CPEB3: variants seen among roughly 807,000 people sequenced by gnomAD.
CPEB3 encodes cytoplasmic polyadenylation element-binding protein 3.
CPEB3 carries 20 observed loss-of-function variants against 67.2 expected under a neutral mutation model. The ratio of observed to expected loss-of-function variants is 0.30; its 90% CI spans 0.21 to 0.43. CPEB3 has a LOEUF of 0.43. Among genes scored for constraint, CPEB3 ranks in the 20% least tolerant of loss-of-function variants. CPEB3 has a pLI of 1.00. For missense variants in CPEB3, 746 were observed against 968.6 expected, an observed-to-expected ratio of 0.77 and a Z score of 3.05; for synonymous variants, 376 against 393.1, an observed-to-expected ratio of 0.96 and a Z score of 0.51.
chr10:92,089,229 C>T (rs1843508535), intron 8 of CPEB3, among the ~76,000 whole-genome samples: 1 of 152,046 alleles, frequency 6.6e-6, no homozygotes, highest in African/African-American at 2.4e-5. Flanking sequence ...CAAAGAAACC[C>T]AATCCCTAGG....
At chr10:92,110,985 T>C in intron 7 of CPEB3, 91 bp downstream of exon 7, 1 of 951,334 alleles carries the variant, frequency 1.1e-6, no homozygotes, top group Non-Finnish European at 1.7e-6. Context: ...GGATCCTAGT[T>C]ACCAGCATTT....
At chr10:92,186,616 G>T (rs1457415122) in intron 3 of CPEB3, among the ~76,000 whole-genome samples, 1 of 151,944 alleles carries the variant, frequency 6.6e-6, no homozygotes, top group Non-Finnish European at 1.5e-5. Flanking sequence ...CGTATTTTTA[G>T]TAGAGGCAGG....
chr10:92,229,648 G>A (rs185103245), intron 2 of CPEB3, among the ~76,000 whole-genome samples: 1 of 152,296 alleles, frequency 6.6e-6, no homozygotes, highest in East Asian at 1.9e-4. Context: ...TGTCCATAAA[G>A]TCTGGGAAAC....
At chr10:92,118,583 G>C (rs1845157300) in intron 6 of CPEB3, 1 of 329,404 alleles carries the variant, frequency 3.0e-6, no homozygotes, top group East Asian at 6.7e-5. Context: ...TGATATAAAA[G>C]ACAAAAAGCC....
At chr10:92,215,739 CTTTT>C (rs373522649) in intron 2 of CPEB3, among the ~76,000 whole-genome samples, 5 of 99,916 alleles carry the variant, frequency 5.0e-5, no homozygotes, top group South Asian at 3.6e-4. Context: ...TGGCGCCTGG[CTTTT>C]TTTTTTTTTT....
chr10:92,059,125 G>C (rs1468730698), intron 9 of CPEB3, among the ~76,000 whole-genome samples: 1 of 151,984 alleles, frequency 6.6e-6, no homozygotes, highest in Non-Finnish European at 1.5e-5. Flanking sequence ...TCAGGAGTTT[G>C]AGACCAGCCT....
intron 5 of CPEB3, among the ~76,000 whole-genome samples, chr10:92,144,331 G>A (rs758605194): frequency 6.6e-6 from 1 of 152,048 alleles, no homozygotes; most frequent in Non-Finnish European, 1.5e-5. Flanking sequence ...GAGTTCAGTG[G>A]TATGATCATA....
In CPEB3 at chr10:92,232,826, C is replaced by T. The variant is rs148753503; in HGVS notation, c.1005+6520G>A. 9.9e-3 allele frequency among the ~76,000 whole-genome samples: 1,502 copies of T among 151,016 alleles called. 23 individuals carry two copies. The highest frequency in any genetic ancestry group is 0.034 in the African/African-American group (1,405 of 41,208). On this transcript the variant is annotated intron_variant, in intron 2 of 9. Coordinates refer to ENST00000265997, the MANE Select transcript of CPEB3 (RefSeq NM_014912.5). ...AAGCTATGTAAGTAGAAATTTGTTT[C>T]TTTGTCAGAGGATATCTAAATTACA...
chr10:92,238,141 C>G (rs1851630263), intron 2 of CPEB3, among the ~76,000 whole-genome samples: 1 of 152,182 alleles, frequency 6.6e-6, no homozygotes, highest in African/African-American at 2.4e-5. Context: ...ATTTCCTTGA[C>G]CATCCAAATT....
intron 3 of CPEB3, among the ~76,000 whole-genome samples, chr10:92,190,239 T>G (rs754049879): frequency 2.6e-5 from 4 of 151,642 alleles, no homozygotes; most frequent in Non-Finnish European, 5.9e-5. Flanking sequence ...CATCACGCCA[T>G]TGCACTCCAG....
At chr10:92,136,134 C>A (rs2133766324) in intron 6 of CPEB3, among the ~76,000 whole-genome samples, 1 of 151,572 alleles carries the variant, frequency 6.6e-6, no homozygotes, top group South Asian at 2.1e-4. Flanking sequence ...ACATTATGCA[C>A]ATGTACCCTA....
In CPEB3 at chr10:92,254,533, ACT is replaced by A. The variant is rs1242669467; in HGVS notation, c.-11-14174_-11-14173del. Among the ~76,000 whole-genome samples the A allele has an allele frequency of 3.3e-5, 5 of 152,062 alleles. No individual in the cohort carries two copies. In the East Asian group the frequency reaches 9.7e-4, roughly 29 times the overall value. On this transcript the variant is annotated intron_variant, in intron 1 of 9. Coordinates refer to ENST00000265997, the MANE Select transcript of CPEB3 (RefSeq NM_014912.5). ...CACCTTGGGTTTTTTTATGTTTCTC[ACT>A]CTCTGTTTGTTAGTCTTGGGTTAAT...
chr10:92,202,672 T>C (rs1477440107), intron 2 of CPEB3, among the ~76,000 whole-genome samples: 1 of 151,784 alleles, frequency 6.6e-6, no homozygotes, highest in Non-Finnish European at 1.5e-5. Context: ...ACAGACATAT[T>C]ATCTATAGAA....
At position 92,128,768 on chromosome 10, in the gene CPEB3, G is replaced by C. The variant is rs141185139; in HGVS notation, c.1453+14261C>G. Among the ~76,000 whole-genome samples, 323 of 152,294 alleles carry C rather than the reference G, an allele frequency of 2.1e-3. 1 individual carries two copies. The highest frequency in any genetic ancestry group is 3.4e-3 in the Middle Eastern group (1 of 294). ...AAGCTCAATATCGCTGATCATTAGAGAAATGCAAATCAAAATCACAATAAG... is the reference window on the plus strand; with the variant it reads ...AAGCTCAATATCGCTGATCATTAGACAAATGCAAATCAAAATCACAATAAG... On this transcript the variant is annotated intron_variant, in intron 6 of 9. Transcript: ENST00000265997.
intron 4 of CPEB3, among the ~76,000 whole-genome samples, chr10:92,156,837 T>C (rs900575146): frequency 6.6e-6 from 1 of 152,220 alleles, no homozygotes; most frequent in Non-Finnish European, 1.5e-5. Flanking sequence ...TACATATATA[T>C]TAGCTTCTGC....
intron 7 of CPEB3, among the ~76,000 whole-genome samples, chr10:92,093,792 G>A (rs1399782711): frequency 2.6e-5 from 4 of 151,990 alleles, no homozygotes; most frequent in Admixed American, 6.6e-5. Context: ...ACGAGCCACC[G>A]CGCCTGGCCA....
intron 6 of CPEB3, among the ~76,000 whole-genome samples, chr10:92,121,015 T>TC (rs1460269303): frequency 1.4e-5 from 2 of 144,934 alleles, no homozygotes; most frequent in African/African-American, 5.2e-5. Flanking sequence ...ACTTACTTTT[T>TC]TTTTTCTTTT....
At chr10:92,124,581 G>GT (rs2133648565) in intron 6 of CPEB3, among the ~76,000 whole-genome samples, 1 of 152,162 alleles carries the variant, frequency 6.6e-6, no homozygotes, top group South Asian at 2.1e-4. Flanking sequence ...ACCAAACAGT[G>GT]TGAGCACTAT....
intron 3 of CPEB3, among the ~76,000 whole-genome samples, chr10:92,188,623 G>A (rs113056004): frequency 0.065 from 9,916 of 152,070 alleles, 1,073 homozygotes; most frequent in African/African-American, 0.23. Context: ...AGGAGGCTGA[G>A]GCAGGAGAAT....
Sources: allele counts gnomAD v4.1 joint callset (sites outside exome capture counted in the v4.1 genomes callset), GRCh38; gene constraint gnomAD v4.1.1; transcripts MANE v1.5; gene names NCBI Gene and HGNC (gene_info 2026-07-23, HGNC 2026-07-21).